FNIP2: variants seen among roughly 807,000 people sequenced by gnomAD.
The protein encoded by FNIP2 is folliculin interacting protein 2.
Under a neutral mutation model 108.7 loss-of-function variants are expected in FNIP2, and 32 were observed. The ratio of observed to expected loss-of-function variants is 0.29; its 90% confidence interval spans 0.22 to 0.40. The LOEUF is 0.40. Ranked by LOEUF, FNIP2 falls within the 10% of genes least tolerant of loss-of-function variation. The pLI, the probability that FNIP2 is intolerant of heterozygous loss-of-function variation, is 1.00. For missense variants in FNIP2, 1,202 were observed against 1,381.6 expected (o/e 0.87, Z 2.06); for synonymous variants, 480 against 496.7 (o/e 0.97, Z 0.45).
rs766850454 is a variant in FNIP2 at position 158,769,297 on chromosome 4, C to A, written c.85C>A (p.Pro29Thr). 3.3e-6 allele frequency: 5 copies of A among 1,527,646 alleles called. No individual in the cohort carries two copies. In the South Asian group the frequency reaches 6.1e-5, roughly 19 times the overall value. The allele number at this position is 1,527,646 out of a possible 1,614,324, so 94.6% of individuals were successfully genotyped here. ...GGCGGCGTCTGCCCAGGGCAGGGCT[C>A]CTAAGGAAGGACCCGCCTTTAGGTG... ...SAAASAQGRA[P>T]KEGPAFSWSC... The change falls in exon 1 of 17, where the codon CCT (proline) becomes ACT (threonine). Residue 29 changes from proline (P) to threonine (T), a missense_variant. This residue lies in a region of FNIP2 where 173 missense variants were observed against 165.9 expected (regional missense o/e 1.04). Transcript: ENST00000264433.
intron 7 of FNIP2, among the ~76,000 whole-genome samples, chr4:158,841,124 G>A (rs778707893): frequency 2.1e-4 from 32 of 152,244 alleles, no homozygotes; most frequent in Admixed American, 5.2e-4. Context: ...ATATGAAAAG[G>A]TTTATTACTC....
chr4:158,877,896 A>G (rs1314597582), intron 14 of FNIP2, among the ~76,000 whole-genome samples: 1 of 151,980 alleles, frequency 6.6e-6, no homozygotes, highest in Non-Finnish European at 1.5e-5. Flanking sequence ...GCTATGATGG[A>G]GCCACTGCAC....
chr4:158,852,726 G>T (rs1779769199), intron 8 of FNIP2, among the ~76,000 whole-genome samples: 1 of 152,202 alleles, frequency 6.6e-6, no homozygotes, highest in Non-Finnish European at 1.5e-5. Context: ...TACTGCAACT[G>T]TCAGGAGACG....
At chr4:158,895,610 G>C in intron 15 of FNIP2, 140 bp from the exon 16 acceptor site, 2 of 609,090 alleles carry the variant, frequency 3.3e-6, no homozygotes, top group Non-Finnish European at 5.9e-6. Flanking sequence ...GTTTGAGATG[G>C]CTTGTGATTT....
rs1158384783 is a variant in FNIP2, at chr4:158,868,281, A to T, written c.1645A>T (p.Asn549Tyr). ...TCATGGTGAAGGTGACCAAGTTTTA[A>T]ATGGGAGCAAGATCATAACAGCCTT... Reference protein sequence around the residue: ...GNHGEGDQVLNGSKIITALEK... With the variant: ...GNHGEGDQVLYGSKIITALEK... Residue 549 changes from asparagine to tyrosine, a missense_variant, in exon 13 of 17, where the codon AAT becomes TAT. Physicochemically the swap from Asn to Tyr is moderately radical, Grantham distance 143. Around this residue, in one of 5 missense-constraint regions of FNIP2, gnomAD observed 878 missense variants for 990.3 expected, o/e 0.89. Transcript: ENST00000264433. The surrounding 1 kb of genome is among the most constrained non-coding windows in gnomAD (Gnocchi z 4.6). 13 of 1,614,060 alleles carry T rather than the reference A, an allele frequency of 8.1e-6. No homozygotes were observed. The highest frequency in any genetic ancestry group is 1.0e-5 in the Non-Finnish European group (12 of 1,179,908).
chr4:158,814,342 T>C (rs1451382440), intron 1 of FNIP2, among the ~76,000 whole-genome samples: 1 of 152,270 alleles, frequency 6.6e-6, no homozygotes, highest in African/African-American at 2.4e-5. Context: ...GTCTCCTAAC[T>C]TCCGTGTAAA....
chr4:158,799,699 A>C (rs894569380), intron 1 of FNIP2, among the ~76,000 whole-genome samples: 1 of 152,240 alleles, frequency 6.6e-6, no homozygotes, highest in Non-Finnish European at 1.5e-5. Flanking sequence ...AAACTTTAAA[A>C]GTTATGTAAT....
intron 1 of FNIP2, among the ~76,000 whole-genome samples, chr4:158,819,665 C>T (rs958811708): frequency 5.9e-5 from 9 of 152,168 alleles, no homozygotes; most frequent in Admixed American, 3.3e-4. Context: ...CATCTATTTA[C>T]GTAAGTTTTT....
intron 1 of FNIP2, among the ~76,000 whole-genome samples, chr4:158,812,198 AGC>A (rs1777316563): frequency 6.6e-6 from 1 of 152,140 alleles, no homozygotes; most frequent in African/African-American, 2.4e-5. Context: ...TTTCTATTTA[AGC>A]ATTATTCTCT....
At chr4:158,851,721 T>C (rs548122995) in intron 8 of FNIP2, among the ~76,000 whole-genome samples, 11 of 152,336 alleles carry the variant, frequency 7.2e-5, no homozygotes, top group African/African-American at 1.9e-4. Flanking sequence ...TTTAAAATGG[T>C]GTGCTCTCTT....
intron 1 of FNIP2, among the ~76,000 whole-genome samples, chr4:158,794,026 G>A (rs1166826863): frequency 6.6e-6 from 1 of 152,058 alleles, no homozygotes; most frequent in Non-Finnish European, 1.5e-5. Context: ...AATTCACATT[G>A]GATTTTGAAG....
At chr4:158,867,308 T>G (rs1780638499) in intron 12 of FNIP2, among the ~76,000 whole-genome samples, 1 of 152,204 alleles carries the variant, frequency 6.6e-6, no homozygotes, top group Admixed American at 6.5e-5. Flanking sequence ...TTCTCCTGCC[T>G]TGACCTCTCA....
At chr4:158,782,531 T>C (rs1776087708) in intron 1 of FNIP2, among the ~76,000 whole-genome samples, 1 of 151,424 alleles carries the variant, frequency 6.6e-6, no homozygotes, top group South Asian at 2.1e-4. Flanking sequence ...TTGTTTTTTT[T>C]TTTTCCTCAA....
At chr4:158,776,163 A>G (rs1775852597) in intron 1 of FNIP2, among the ~76,000 whole-genome samples, 1 of 152,184 alleles carries the variant, frequency 6.6e-6, no homozygotes, top group Non-Finnish European at 1.5e-5. Context: ...TCTAAGTGAG[A>G]ATGAACACTG....
intron 1 of FNIP2, among the ~76,000 whole-genome samples, chr4:158,816,256 C>T (rs1035014679): frequency 1.6e-4 from 24 of 152,036 alleles, no homozygotes; most frequent in African/African-American, 5.3e-4. Context: ...TATCTGCATA[C>T]GGTTTAATTA....
intron 1 of FNIP2, among the ~76,000 whole-genome samples, chr4:158,811,896 G>T (rs367789546): frequency 6.6e-6 from 1 of 152,176 alleles, no homozygotes; most frequent in Admixed American, 6.5e-5. Flanking sequence ...CAAGCCACGC[G>T]GGTGTTTGAG....
chr4:158,835,940 C>T (rs1778771952), intron 7 of FNIP2: 1 of 152,432 alleles, frequency 6.6e-6, no homozygotes, highest in Non-Finnish European at 1.5e-5. Context: ...AGGCCTAAAC[C>T]TTTCTGTTAC....
intron 1 of FNIP2, 123 bp downstream of exon 1, chr4:158,769,442 C>T: frequency 1.9e-6 from 1 of 534,380 alleles, no homozygotes; most frequent in African/African-American, 2.0e-5. Flanking sequence ...ATCGCCGGCA[C>T]CTGGTCCCGG....
At chr4:158,881,741 G>A (rs556308613) in intron 14 of FNIP2, among the ~76,000 whole-genome samples, 17 of 151,978 alleles carry the variant, frequency 1.1e-4, no homozygotes, top group Admixed American at 7.8e-4. Flanking sequence ...ACGGAGTCTC[G>A]TTCACTCAGT....
Sources: gnomAD v4.1 joint callset for allele counts (sites outside exome capture counted in the v4.1 genomes callset) on GRCh38, gnomAD v4.1.1 for gene constraint, gnomAD v4.1.1 regional missense constraint, Gnocchi (gnomAD v3.1) non-coding constraint, MANE v1.5 for transcripts, NCBI Gene and HGNC (gene_info 2026-07-23, HGNC 2026-07-21) for gene names.